TRAPPC8: variants seen among roughly 807,000 people sequenced by gnomAD.
TRAPPC8 encodes the protein general sporulation gene 1 homolog.
A neutral mutation model predicts 174.3 loss-of-function variants in TRAPPC8; 54 were observed. That is an observed-to-expected ratio of 0.31 (90% CI 0.25 to 0.39). The LOEUF (loss-of-function observed/expected upper bound fraction) is 0.39, where lower values mean the gene tolerates loss of function less well. Ranked by LOEUF, TRAPPC8 falls within the 10% of genes least tolerant of loss-of-function variation. TRAPPC8 has a pLI of 1.00. For synonymous variants in TRAPPC8, 630 were observed against 579.9 expected, an observed-to-expected ratio of 1.09 and a Z score of -1.24; for missense variants, 1,531 against 1,699.1, an observed-to-expected ratio of 0.90 and a Z score of 1.74.
intron 19 of TRAPPC8, among the ~76,000 whole-genome samples, chr18:31,861,874 A>G (rs1034261164): frequency 7.5e-6 from 1 of 133,542 alleles, no homozygotes; most frequent in Non-Finnish European, 1.6e-5. Flanking sequence ...TGCAGTGATC[A>G]GAGATCATAC....
At position 31,845,189 on chromosome 18, in the gene TRAPPC8, A is replaced by AAAAAT. The variant is rs2033332187; in HGVS notation, c.3837+1526_3837+1527insATTTT. 2.0e-5 allele frequency: 3 copies of AAAAAT among 148,986 alleles called. No individual in the cohort carries two copies. In the South Asian group the frequency reaches 6.3e-4, roughly 31 times the overall value. 9.2% of individuals were successfully genotyped at this position (148,986 alleles called of 1,614,324 possible). Reference sequence around the variant, plus strand: ...GCGAGACTCCGTCTCAAAAAAAAAAAAAATAAATAAATAAATAAAATAAAA... The same window carrying AAAAAT: ...GCGAGACTCCGTCTCAAAAAAAAAAAAAAATAAATAAATAAATAAATAAAATAAAA... On this transcript the variant is annotated intron_variant, in intron 26 of 28. Coordinates refer to ENST00000283351, the MANE Select transcript of TRAPPC8 (RefSeq NM_014939.5).
At chr18:31,838,413 T>C (rs2032898689) in intron 27 of TRAPPC8, among the ~76,000 whole-genome samples, 1 of 152,232 alleles carries the variant, frequency 6.6e-6, no homozygotes, top group African/African-American at 2.4e-5. Context: ...ATGTATCTTA[T>C]CTTTCCATCT....
chr18:31,909,835 A>C, intron 5 of TRAPPC8, 75 bp from the exon 6 acceptor site: 2 of 978,590 alleles, frequency 2.0e-6, no homozygotes, highest in Non-Finnish European at 2.9e-6. Context: ...TCCATCAACA[A>C]CTATGGTTAC....
intron 25 of TRAPPC8, among the ~76,000 whole-genome samples, chr18:31,848,700 T>A (rs1361634727): frequency 6.6e-6 from 1 of 152,202 alleles, no homozygotes. Context: ...AGTATGAACA[T>A]GTCTCTTGCA....
intron 19 of TRAPPC8, among the ~76,000 whole-genome samples, chr18:31,859,724 A>C (rs2034225294): frequency 6.6e-6 from 1 of 152,092 alleles, no homozygotes; most frequent in Admixed American, 6.6e-5. Flanking sequence ...CACTATTTTG[A>C]CTCTTTAAGA....
At chr18:31,841,189 T>C (rs1354537571) in intron 26 of TRAPPC8, among the ~76,000 whole-genome samples, 1 of 152,130 alleles carries the variant, frequency 6.6e-6, no homozygotes, top group East Asian at 1.9e-4. Context: ...ATTTCTGGAA[T>C]AGAAAAGGAA....
chr18:31,857,266 G>C (rs1013752415), intron 20 of TRAPPC8, among the ~76,000 whole-genome samples: 4 of 152,142 alleles, frequency 2.6e-5, no homozygotes, highest in African/African-American at 9.7e-5. Context: ...ATTATTATGT[G>C]ATAGCTCTGT....
intron 2 of TRAPPC8, chr18:31,926,564 A>C (rs1458394837): frequency 6.6e-6 from 1 of 151,906 alleles, no homozygotes; most frequent in African/African-American, 2.4e-5. Context: ...CGCCTCAAGC[A>C]GCTGGGATTA....
chr18:31,849,827 A>C, intron 24 of TRAPPC8, 88 bp from the exon 25 acceptor site: 1 of 1,298,472 alleles, frequency 7.7e-7, no homozygotes, highest in East Asian at 2.7e-5. Context: ...AATTAAATAT[A>C]TCCTGCCAAA....
chr18:31,910,144 G>T (rs116098016), intron 5 of TRAPPC8, among the ~76,000 whole-genome samples: 1,654 of 152,304 alleles, frequency 0.011, 30 homozygotes, highest in African/African-American at 0.038. Context: ...GACGGGGAAA[G>T]AAGAGAGGCA....
At chr18:31,863,610 A>G (rs1452431312) in intron 19 of TRAPPC8, among the ~76,000 whole-genome samples, 7 of 152,224 alleles carry the variant, frequency 4.6e-5, no homozygotes, top group Non-Finnish European at 1.5e-5. Context: ...AAAACTATAT[A>G]TAAGTGCACA....
intron 2 of TRAPPC8, among the ~76,000 whole-genome samples, chr18:31,919,260 C>T (rs752344213): frequency 7.9e-5 from 12 of 152,104 alleles, no homozygotes; most frequent in East Asian, 7.7e-4. Flanking sequence ...AGGCTGGGTG[C>T]GGTGGCTCAC....
chr18:31,911,755 T>A (rs1484524909), intron 5 of TRAPPC8, among the ~76,000 whole-genome samples: 2 of 30,232 alleles, frequency 6.6e-5, no homozygotes, highest in Non-Finnish European at 1.1e-4. Context: ...AGACTCCGTC[T>A]CAAAAAAAAA....
At chr18:31,880,959 G>A (rs971489462) in intron 12 of TRAPPC8, among the ~76,000 whole-genome samples, 6 of 151,784 alleles carry the variant, frequency 4.0e-5, no homozygotes, top group African/African-American at 1.5e-4. Flanking sequence ...GGAGGTAAAA[G>A]AGAACTACAA....
intron 10 of TRAPPC8, among the ~76,000 whole-genome samples, chr18:31,898,418 T>C (rs2036273298): frequency 6.6e-6 from 1 of 152,232 alleles, no homozygotes; most frequent in Non-Finnish European, 1.5e-5. Context: ...TCATGTAATT[T>C]GGCAGTAAGA....
At chr18:31,880,669 A>C (rs1194348093) in intron 12 of TRAPPC8, among the ~76,000 whole-genome samples, 3 of 152,124 alleles carry the variant, frequency 2.0e-5, no homozygotes, top group Non-Finnish European at 4.4e-5. Context: ...ATCACGCAAG[A>C]GAAAGAAGAA....
At chr18:31,911,621 C>A (rs1053274475) in intron 5 of TRAPPC8, among the ~76,000 whole-genome samples, 16 of 151,138 alleles carry the variant, frequency 1.1e-4, no homozygotes, top group Admixed American at 1.1e-3. Flanking sequence ...CGCCTGTAAT[C>A]CCAGCTACTC....
chr18:31,864,694 G>A lies in TRAPPC8; in HGVS notation c.2678C>T (p.Thr893Ile), dbSNP rs1169346424. ...PRLNNTKEEK[T>I]SVKYGPDRRL... ...TCGATCAGGGCCATATTTAACAGAT[G>A]TTTTCTCTTCTTTTGTGTTGTTAAG... The change falls in exon 19 of 29, where the codon ACA becomes ATA. Residue 893 changes from threonine (T) to isoleucine (I), a missense_variant. Thr to Ile is a moderately conservative substitution (Grantham distance 89, BLOSUM62 -1). Coordinates refer to ENST00000283351, the MANE Select transcript of TRAPPC8 (RefSeq NM_014939.5). The A allele has an allele frequency of 2.5e-6, 4 of 1,613,046 alleles. No homozygotes were observed. Among genetic ancestry groups the A allele is most frequent in the Admixed American group, 1.7e-5 (1 of 59,916 alleles).
intron 11 of TRAPPC8, chr18:31,895,987 GC>G (rs1259158291): frequency 6.6e-6 from 1 of 152,170 alleles, no homozygotes; most frequent in Non-Finnish European, 1.5e-5. Context: ...ATGTGCCAAG[GC>G]CAGTGTTAGG....
Sources: gnomAD v4.1 joint callset for allele counts (sites outside exome capture counted in the v4.1 genomes callset) on GRCh38, gnomAD v4.1.1 for gene constraint, MANE v1.5 for transcripts, NCBI Gene and HGNC (gene_info 2026-07-23, HGNC 2026-07-21) for gene names.